The following ADAMTSL1 variants were observed in gnomAD, a reference collection of about 807,000 sequenced individuals.
The protein encoded by ADAMTSL1 is ADAMTS like 1, also known as ADAMTS-like protein 1.
Under a neutral mutation model 201.8 loss-of-function variants are expected in ADAMTSL1, and 126 were observed. The observed-to-expected ratio is 0.62, with a 90% CI of 0.54 to 0.72. ADAMTSL1 has a LOEUF of 0.72. Ranked by LOEUF, ADAMTSL1 falls within the 30% of genes least tolerant of loss-of-function variation. ADAMTSL1 has a pLI of 0.00. For missense variants in ADAMTSL1, 2,679 were observed against 2,277.8 expected, an observed-to-expected ratio of 1.18 and a Z score of -3.59; for synonymous variants, 1,121 against 903.4, an observed-to-expected ratio of 1.24 and a Z score of -4.32.
chr9:18,566,016 G>A (rs1027487461), intron 3 of ADAMTSL1, among the ~76,000 whole-genome samples: 16 of 151,982 alleles, frequency 1.1e-4, no homozygotes, highest in African/African-American at 3.9e-4. Context: ...TCTTAATATT[G>A]GCCTGTTAAA....
intron 1 of ADAMTSL1, among the ~76,000 whole-genome samples, chr9:17,930,080 T>C (rs1160722548): frequency 1.3e-5 from 2 of 152,210 alleles, no homozygotes; most frequent in South Asian, 4.1e-4. Context: ...TATGTTCGTA[T>C]GTTATTTAAA....
At chr9:18,374,257 G>C (rs535145657) in intron 2 of ADAMTSL1, among the ~76,000 whole-genome samples, 9 of 152,258 alleles carry the variant, frequency 5.9e-5, no homozygotes, top group African/African-American at 1.7e-4. Flanking sequence ...AGTTCTGAAA[G>C]AGAGATACTG....
chr9:18,325,665 C>A (rs942387320), intron 2 of ADAMTSL1, among the ~76,000 whole-genome samples: 1 of 151,944 alleles, frequency 6.6e-6, no homozygotes, highest in South Asian at 2.1e-4. Context: ...AGTATCCTTG[C>A]TGCATTCTCA....
chr9:18,011,004 A>G (rs1439358542), intron 1 of ADAMTSL1, among the ~76,000 whole-genome samples: 1 of 151,976 alleles, frequency 6.6e-6, no homozygotes, highest in Non-Finnish European at 1.5e-5. Flanking sequence ...TTTCTGAAAG[A>G]CATGGCCCAT....
rs1279045381 is a variant in ADAMTSL1, at chr9:18,910,666, T to A, written c.*2118T>A. 2 of 152,240 alleles carry A rather than the reference T, an allele frequency of 1.3e-5. No homozygotes were observed. Among genetic ancestry groups the A allele is most frequent in the African/African-American group, 4.8e-5 (2 of 41,452 alleles). The allele number at this position is 152,240 out of a possible 1,614,324, so 9.4% of individuals were successfully genotyped here. A position where few individuals can be genotyped will look rare whatever the true frequency, so the allele number is the denominator to read the frequency against. ...TTCGATAGTGATTGAAAATCAGTGG[T>A]CACTATTTACATTTCCTAAAGAGCA... On this transcript the variant is annotated 3_prime_UTR_variant, in exon 29 of 29. Transcript: ENST00000380548.
At position 18,382,862 on chromosome 9, in the gene ADAMTSL1, C is replaced by T. The variant is rs144665645; in HGVS notation, c.208-121967C>T. Among the ~76,000 whole-genome samples, 499 of 152,268 alleles carry T rather than the reference C, an allele frequency of 3.3e-3. 1 individual carries two copies. Among genetic ancestry groups the T allele is most frequent in the African/African-American group, 0.011 (446 of 41,544 alleles). On this transcript the variant is annotated intron_variant, in intron 2 of 29. Transcript: ENST00000680146. ...AACACAGCTCTGCGAGTCTGGTCCT[C>T]TGTACAGACTTCCAAATGATTTTCA...
chr9:18,424,914 G>C (rs1026372719), intron 2 of ADAMTSL1, among the ~76,000 whole-genome samples: 1 of 152,076 alleles, frequency 6.6e-6, no homozygotes, highest in African/African-American at 2.4e-5. Context: ...ACGTCTTTTG[G>C]TCTTCAGATG....
chr9:18,447,671 G>C (rs1820246138), intron 2 of ADAMTSL1, among the ~76,000 whole-genome samples: 1 of 152,208 alleles, frequency 6.6e-6, no homozygotes, highest in Non-Finnish European at 1.5e-5. Context: ...CTGCTAAAGA[G>C]TCCTCAGGGA....
chr9:18,572,744 G>C (rs1822416230), intron 3 of ADAMTSL1, among the ~76,000 whole-genome samples: 1 of 152,112 alleles, frequency 6.6e-6, no homozygotes, highest in African/African-American at 2.4e-5. Context: ...GTTTTAGAAT[G>C]CTTATTTAAA....
At chr9:17,991,254 G>T (rs1819138714) in intron 1 of ADAMTSL1, among the ~76,000 whole-genome samples, 1 of 152,090 alleles carries the variant, frequency 6.6e-6, no homozygotes, top group Admixed American at 6.6e-5. Context: ...TATACTATAT[G>T]GCTGCTCTGG....
intron 1 of ADAMTSL1, among the ~76,000 whole-genome samples, chr9:18,017,088 T>TG (rs1820289287): frequency 6.6e-6 from 1 of 152,042 alleles, no homozygotes; most frequent in Non-Finnish European, 1.5e-5. Context: ...ACCCATGCAA[T>TG]GATTCCAGAT....
chr9:18,852,029 G>C (rs1978747), intron 23 of ADAMTSL1, among the ~76,000 whole-genome samples: 78,415 of 152,024 alleles, frequency 0.52, 21,811 homozygotes, highest in South Asian at 0.64. Flanking sequence ...TAATGGTTGC[G>C]TGACATTGCT....
chr9:18,629,850 T>C (rs1317203774), intron 5 of ADAMTSL1, among the ~76,000 whole-genome samples: 2 of 152,160 alleles, frequency 1.3e-5, no homozygotes, highest in Non-Finnish European at 2.9e-5. Context: ...CATGCCCCAG[T>C]GAAATTTTCT....
At chr9:18,166,298 A>G (rs1827627058) in intron 2 of ADAMTSL1, among the ~76,000 whole-genome samples, 1 of 151,924 alleles carries the variant, frequency 6.6e-6, no homozygotes, top group Non-Finnish European at 1.5e-5. Flanking sequence ...TCACAAATGA[A>G]TAGAGAATAG....
In ADAMTSL1 at chr9:18,410,560, C is replaced by A. The variant is rs147914751; in HGVS notation, c.208-94269C>A. Among the ~76,000 whole-genome samples, 197 of 152,288 alleles carry A rather than the reference C, an allele frequency of 1.3e-3. 1 individual carries two copies. Among genetic ancestry groups the A allele is most frequent in the African/African-American group, 4.6e-3 (191 of 41,558 alleles). ...TCCCTGCAAAGGACATGATCTCATT[C>A]CTTTTTATGGCTGCATAGTATTACA... On this transcript the variant is annotated intron_variant, in intron 2 of 29. Coordinates refer to the ADAMTSL1 transcript ENST00000680146.
At position 18,535,929 on chromosome 9, in the gene ADAMTSL1, G is replaced by A. The variant is rs1269098036; in HGVS notation, c.237+2637G>A. 2.0e-5 allele frequency among the ~76,000 whole-genome samples: 3 copies of A among 152,086 alleles called. No homozygotes were observed. In the East Asian group the frequency reaches 5.8e-4, roughly 29 times the overall value. On this transcript the variant is annotated intron_variant, in intron 3 of 28. Coordinates refer to ENST00000380548, the MANE Select transcript of ADAMTSL1 (RefSeq NM_001040272.6). ...TTATGGGAAGTACAACTTAAGATGAGATTTGGGTGGGGACACAGCCAAATC... is the reference window on the plus strand; with the variant it reads ...TTATGGGAAGTACAACTTAAGATGAAATTTGGGTGGGGACACAGCCAAATC...
At chr9:18,389,989 A>G (rs1022586355) in intron 2 of ADAMTSL1, among the ~76,000 whole-genome samples, 11 of 152,170 alleles carry the variant, frequency 7.2e-5, no homozygotes, top group Admixed American at 1.3e-4. Context: ...AGAAAACAAT[A>G]GAATACAATA....
rs1427338590 is a variant in ADAMTSL1, at chr9:18,395,520, A to G, written c.208-109309A>G. ...AAAGCCTTGAGGATTTGCACTTTGTATGACATAATGGAAACAGACCCATTT... is the reference window on the plus strand; with the variant it reads ...AAAGCCTTGAGGATTTGCACTTTGTGTGACATAATGGAAACAGACCCATTT... On this transcript the variant is annotated intron_variant, in intron 2 of 29. Coordinates refer to the ADAMTSL1 transcript ENST00000680146. Among the ~76,000 whole-genome samples, 4 of 152,314 alleles carry G rather than the reference A, an allele frequency of 2.6e-5. No homozygotes were observed. The East Asian group carries it at 7.7e-4, about 29-fold the overall frequency.
chr9:18,195,892 G>A (rs528145992), intron 2 of ADAMTSL1, among the ~76,000 whole-genome samples: 8 of 151,998 alleles, frequency 5.3e-5, no homozygotes, highest in East Asian at 1.9e-4. Flanking sequence ...GAGTGATTTC[G>A]TCCACACATT....
Sources: gnomAD v4.1 joint callset for allele counts (sites outside exome capture counted in the v4.1 genomes callset) on GRCh38, gnomAD v4.1.1 for gene constraint, MANE v1.5 for transcripts, NCBI Gene and HGNC (gene_info 2026-07-23, HGNC 2026-07-21) for gene names.